Variants in AGBL4 observed in about 807,000 individuals in gnomAD.
AGBL4 encodes the protein cytosolic carboxypeptidase 6.
A neutral mutation model predicts 66.4 loss-of-function variants in AGBL4; 58 were observed. The ratio of observed to expected loss-of-function variants is 0.87; its 90% CI spans 0.71 to 1.09. The LOEUF is 1.09. Among genes scored for constraint, AGBL4 ranks in the 50% least tolerant of loss-of-function variants. AGBL4 has a pLI of 0.00. For missense variants in AGBL4, 579 were observed against 631.0 expected, an observed-to-expected ratio of 0.92 and a Z score of 0.88; for synonymous variants, 234 against 222.9, an observed-to-expected ratio of 1.05 and a Z score of -0.44.
chr1:49,904,948 C>G (rs1650125536), intron 1 of AGBL4, among the ~76,000 whole-genome samples: 1 of 152,094 alleles, frequency 6.6e-6, no homozygotes, highest in Non-Finnish European at 1.5e-5. Context: ...AAAAAGAGAA[C>G]AATGCCTATA....
intron 3 of AGBL4, among the ~76,000 whole-genome samples, chr1:49,572,159 T>G (rs1349727110): frequency 6.6e-6 from 1 of 152,196 alleles, no homozygotes. Context: ...TAGTTATTTT[T>G]TGTATGTTTG....
rs1271040400 is a variant in AGBL4 at position 48,745,898 on chromosome 1, T to C, written c.635-82657A>G. Among the ~76,000 whole-genome samples, 4 of 152,176 alleles carry C rather than the reference T, an allele frequency of 2.6e-5. No individual in the cohort carries two copies. In the East Asian group the frequency reaches 7.8e-4, roughly 30 times the overall value. ...CTACCATAATAATCAGATGTACTTG[T>C]TCGTCTCTATATCTGTCTCCCCTAC... On this transcript the variant is annotated intron_variant, in intron 6 of 13. Coordinates refer to ENST00000371839, the MANE Select transcript of AGBL4 (RefSeq NM_032785.4).
chr1:49,072,307 G>T (rs1040709261), intron 4 of AGBL4, among the ~76,000 whole-genome samples: 1 of 152,106 alleles, frequency 6.6e-6, no homozygotes, highest in Non-Finnish European at 1.5e-5. Flanking sequence ...TGGTTATTTT[G>T]CCCATTAGTT....
chr1:48,905,305 A>G (rs1410173803), intron 5 of AGBL4, among the ~76,000 whole-genome samples: 1 of 152,204 alleles, frequency 6.6e-6, no homozygotes, highest in Non-Finnish European at 1.5e-5. Context: ...CTAATTTTAC[A>G]TTTACCACTT....
chr1:49,585,103 C>G (rs567790669), intron 3 of AGBL4, among the ~76,000 whole-genome samples: 2 of 152,148 alleles, frequency 1.3e-5, no homozygotes, highest in Non-Finnish European at 2.9e-5. Flanking sequence ...TGCATTTCAC[C>G]TATTATAGTT....
the AGBL4 span, among the ~76,000 whole-genome samples, chr1:48,522,685 C>A: frequency 2.0e-5 from 3 of 152,102 alleles, no homozygotes; most frequent in Non-Finnish European, 4.4e-5. Flanking sequence ...TCTGGTTCAG[C>A]ATTAAGTCTG....
intron 6 of AGBL4, among the ~76,000 whole-genome samples, chr1:48,767,983 A>G (rs1269989254): frequency 1.3e-5 from 2 of 152,316 alleles, no homozygotes; most frequent in East Asian, 3.9e-4. Context: ...TAATCCCTAC[A>G]ATAATGCTAC....
intron 6 of AGBL4, among the ~76,000 whole-genome samples, chr1:48,846,397 G>T (rs183296373): frequency 4.3e-4 from 65 of 150,678 alleles, no homozygotes; most frequent in African/African-American, 1.5e-3. Context: ...AAGAAAGAAA[G>T]AAAGAAAGAA....
intron 3 of AGBL4, among the ~76,000 whole-genome samples, chr1:49,563,125 T>C (rs1267974934): frequency 6.6e-6 from 1 of 151,940 alleles, no homozygotes; most frequent in Non-Finnish European, 1.5e-5. Context: ...GTTATTGGTG[T>C]ATAAGAATGC....
chr1:49,673,996 G>A (rs528481739), intron 3 of AGBL4, among the ~76,000 whole-genome samples: 7 of 152,038 alleles, frequency 4.6e-5, no homozygotes, highest in South Asian at 4.2e-4. Flanking sequence ...ACCTGATGAC[G>A]AAGGAATGGA....
chr1:49,867,892 TG>T (rs1422232123), intron 1 of AGBL4, among the ~76,000 whole-genome samples: 2 of 152,186 alleles, frequency 1.3e-5, no homozygotes, highest in African/African-American at 4.8e-5. Flanking sequence ...TAAATGTAAG[TG>T]GGCTAAATGC....
At chr1:49,403,034 T>C (rs1645120698) in intron 3 of AGBL4, among the ~76,000 whole-genome samples, 1 of 152,208 alleles carries the variant, frequency 6.6e-6, no homozygotes, top group Non-Finnish European at 1.5e-5. Flanking sequence ...TAAGTATGCT[T>C]TTGTTGATTT....
At chr1:49,251,110 C>T (rs1042320288) in intron 3 of AGBL4, among the ~76,000 whole-genome samples, 1 of 152,156 alleles carries the variant, frequency 6.6e-6, no homozygotes, top group African/African-American at 2.4e-5. Context: ...AGCCTGGCCA[C>T]ATCTGCTTAC....
rs575097060 is a variant in AGBL4, at chr1:49,301,787, G to A, written c.283-55923C>T. On this transcript the variant is annotated intron_variant, in intron 3 of 13. Transcript: ENST00000371839. ...CAGACCAATTGACGCTACCCAGACC[G>A]ATGACCCCCACCCAGGAATGGACTC... Among the ~76,000 whole-genome samples the A allele has an allele frequency of 9.2e-5, 14 of 152,168 alleles. 1 individual carries two copies. The South Asian group carries it at 1.2e-3, about 14-fold the overall frequency.
intron 11 of AGBL4, among the ~76,000 whole-genome samples, chr1:48,565,470 A>C: frequency 6.6e-6 from 1 of 152,190 alleles, no homozygotes; most frequent in East Asian, 1.9e-4. Context: ...CCCCTGAGTC[A>C]GGCCTTGGTA....
At chr1:49,797,325 C>T (rs1185383327) in intron 2 of AGBL4, among the ~76,000 whole-genome samples, 1 of 152,076 alleles carries the variant, frequency 6.6e-6, no homozygotes, top group African/African-American at 2.4e-5. Context: ...AGTTTCTGAA[C>T]CTCAAAATAT....
intron 1 of AGBL4, among the ~76,000 whole-genome samples, chr1:49,892,147 C>A (rs1171941129): frequency 2.6e-5 from 4 of 152,208 alleles, no homozygotes; most frequent in African/African-American, 9.6e-5. Context: ...GAAGCACCAA[C>A]AAATAGTATC....
At chr1:50,023,646 G>A (rs946057217) in intron 1 of AGBL4, 117 bp downstream of exon 1, 4 of 1,263,360 alleles carry the variant, frequency 3.2e-6, no homozygotes, top group Admixed American at 3.3e-5. Flanking sequence ...ATAACCCACC[G>A]CGCAAATATA....
intron 5 of AGBL4, among the ~76,000 whole-genome samples, chr1:48,894,475 A>G (rs1651305383): frequency 6.6e-6 from 1 of 152,206 alleles, no homozygotes; most frequent in South Asian, 2.1e-4. Context: ...AGGGGCCCCA[A>G]ATGGAAATGC....
Sources: allele counts gnomAD v4.1 joint callset (sites outside exome capture counted in the v4.1 genomes callset), GRCh38; gene constraint gnomAD v4.1.1; transcripts MANE v1.5; gene names NCBI Gene and HGNC (gene_info 2026-07-23, HGNC 2026-07-21).